Variants in BRINP3 observed in about 807,000 individuals in gnomAD.
The protein encoded by BRINP3 is BMP/retinoic acid inducible neural specific 3, also known as BMP/retinoic acid-inducible neural-specific protein 3.
Under a neutral mutation model 71.0 loss-of-function variants are expected in BRINP3, and 19 were observed. That is an observed-to-expected ratio of 0.27 (90% CI 0.19 to 0.39). The LOEUF (loss-of-function observed/expected upper bound fraction) is 0.39, where lower values mean the gene tolerates loss of function less well. Ranked by LOEUF, BRINP3 falls within the 10% of genes least tolerant of loss-of-function variation. The probability of loss-of-function intolerance (pLI) is 1.00; values close to 1 mark genes in which losing one functional copy is unlikely to be tolerated. For missense variants in BRINP3, 959 were observed against 940.8 expected, an observed-to-expected ratio of 1.02 and a Z score of -0.25; for synonymous variants, 380 against 337.7, an observed-to-expected ratio of 1.13 and a Z score of -1.37.
chr1:190,285,754 G>A (rs1303539652), intron 2 of BRINP3, among the ~76,000 whole-genome samples: 1 of 151,462 alleles, frequency 6.6e-6, no homozygotes, highest in African/African-American at 2.4e-5. Flanking sequence ...CTGAAGACAA[G>A]ATTCACCTCA....
intron 2 of BRINP3, among the ~76,000 whole-genome samples, chr1:190,301,586 A>G (rs973634450): frequency 6.6e-6 from 1 of 151,650 alleles, no homozygotes; most frequent in Non-Finnish European, 1.5e-5. Flanking sequence ...TGAAATAAAA[A>G]TTTTTAAAGT....
chr1:190,401,580 C>A (rs922898441), intron 2 of BRINP3, among the ~76,000 whole-genome samples: 2 of 151,838 alleles, frequency 1.3e-5, no homozygotes, highest in Non-Finnish European at 2.9e-5. Flanking sequence ...ACATTGCAGA[C>A]CTATGGAATC....
chr1:190,300,095 C>T (rs1483659152), intron 2 of BRINP3, among the ~76,000 whole-genome samples: 3 of 152,062 alleles, frequency 2.0e-5, no homozygotes, highest in Non-Finnish European at 2.9e-5. Flanking sequence ...GAATGTTGGC[C>T]TGCCTTGCTA....
At chr1:190,221,613 G>A (rs1413286402) in intron 6 of BRINP3, among the ~76,000 whole-genome samples, 1 of 152,020 alleles carries the variant, frequency 6.6e-6, no homozygotes, top group Non-Finnish European at 1.5e-5. Context: ...CAATTATAAC[G>A]TGTATAGTGG....
At chr1:190,454,986 T>C in intron 1 of BRINP3, 46 bp from the exon 2 acceptor site, 1 of 905,310 alleles carries the variant, frequency 1.1e-6, no homozygotes. Flanking sequence ...GAAGATTCCT[T>C]TCTCTCAGTT....
intron 1 of BRINP3, among the ~76,000 whole-genome samples, chr1:190,477,223 G>T (rs1319173338): frequency 6.6e-6 from 1 of 152,070 alleles, no homozygotes; most frequent in Non-Finnish European, 1.5e-5. Context: ...AATAAAGAAG[G>T]TAAAAGATAT....
At chr1:190,296,296 A>G (rs1212430459) in intron 2 of BRINP3, among the ~76,000 whole-genome samples, 1 of 152,040 alleles carries the variant, frequency 6.6e-6, no homozygotes, top group Non-Finnish European at 1.5e-5. Flanking sequence ...GACCCATCTC[A>G]TTAACAGAAT....
intron 2 of BRINP3, among the ~76,000 whole-genome samples, chr1:190,438,806 T>C (rs189233158): frequency 8.6e-5 from 13 of 151,934 alleles, no homozygotes; most frequent in African/African-American, 2.9e-4. Context: ...CAAGATGCCA[T>C]AATAGTGACA....
intron 2 of BRINP3, among the ~76,000 whole-genome samples, chr1:190,298,062 G>A (rs1047093616): frequency 8.6e-5 from 13 of 152,040 alleles, no homozygotes; most frequent in Non-Finnish European, 1.8e-4. Context: ...ATCTGTGGTC[G>A]TTTGTGCTTT....
chr1:190,156,571 G>T (rs968679953), intron 7 of BRINP3, among the ~76,000 whole-genome samples: 7 of 151,548 alleles, frequency 4.6e-5, no homozygotes, highest in African/African-American at 1.7e-4. Context: ...TGGAAAAAAA[G>T]AGAGATAGAA....
intron 6 of BRINP3, among the ~76,000 whole-genome samples, chr1:190,177,051 T>C (rs1328506964): frequency 6.6e-6 from 1 of 151,582 alleles, no homozygotes; most frequent in African/African-American, 2.4e-5. Context: ...TACCACAGGA[T>C]AACATGAGCT....
At chr1:190,136,823 G>T (rs1655013539) in intron 7 of BRINP3, among the ~76,000 whole-genome samples, 2 of 151,968 alleles carry the variant, frequency 1.3e-5, no homozygotes, top group Non-Finnish European at 2.9e-5. Context: ...GTGCATATGG[G>T]ATAATCATGG....
intron 2 of BRINP3, among the ~76,000 whole-genome samples, chr1:190,402,997 G>A (rs555185681): frequency 2.0e-5 from 3 of 152,266 alleles, no homozygotes; most frequent in South Asian, 4.2e-4. Flanking sequence ...AACGTGCTGG[G>A]ATTACAGGAA....
At chr1:190,225,491 G>T (rs933990944) in intron 6 of BRINP3, among the ~76,000 whole-genome samples, 2 of 151,816 alleles carry the variant, frequency 1.3e-5, no homozygotes, top group African/African-American at 4.8e-5. Flanking sequence ...GGGTAGTGGG[G>T]GCTGGGAGAA....
intron 2 of BRINP3, among the ~76,000 whole-genome samples, chr1:190,365,355 A>G (rs1294164418): frequency 6.6e-6 from 1 of 151,908 alleles, no homozygotes; most frequent in Admixed American, 6.6e-5. Flanking sequence ...CATTGATTTT[A>G]CTACATTCTA....
At position 190,098,923 on chromosome 1, in the gene BRINP3, C is replaced by G. The variant is rs573063381; in HGVS notation, c.1396G>C (p.Gly466Arg). The G allele has an allele frequency of 5.0e-6, 8 of 1,614,150 alleles. No homozygotes were observed. The South Asian group carries it at 5.5e-5, about 11-fold the overall frequency. ...CAGAGCCCCTGGCTGAGCATGTAGC[C>G]GGTGTTGCAGGTGCCGCAGCGGGTG... is the stretch of plus-strand genomic sequence containing the variant. ...NRTRCGTCNT[G>R]YMLSQGLCKP... The change falls in exon 8 of 8, where the codon GGC becomes CGC. Residue 466 changes from glycine (G) to arginine (R), a missense_variant. Physicochemically the swap from Gly to Arg is moderately radical, Grantham distance 125 (BLOSUM62 -2). Coordinates refer to ENST00000367462, the MANE Select transcript of BRINP3 (RefSeq NM_199051.3).
At chr1:190,190,707 G>GTT (rs36112957) in intron 6 of BRINP3, among the ~76,000 whole-genome samples, 123 of 150,414 alleles carry the variant, frequency 8.2e-4, no homozygotes, top group African/African-American at 2.7e-3. Context: ...AAATCAAAGT[G>GTT]TTTTTTTTTG....
At chr1:190,182,025 T>A (rs1054843326) in intron 6 of BRINP3, among the ~76,000 whole-genome samples, 2 of 151,974 alleles carry the variant, frequency 1.3e-5, no homozygotes, top group Non-Finnish European at 2.9e-5. Context: ...AAATGTCACT[T>A]CCTTCTCATC....
intron 2 of BRINP3, among the ~76,000 whole-genome samples, chr1:190,397,145 T>C (rs1390880227): frequency 2.6e-5 from 4 of 151,952 alleles, no homozygotes; most frequent in Non-Finnish European, 4.4e-5. Flanking sequence ...ATTCTGAACT[T>C]CTGCCAGTCA....
Sources: allele counts gnomAD v4.1 joint callset (sites outside exome capture counted in the v4.1 genomes callset), GRCh38; gene constraint gnomAD v4.1.1; transcripts MANE v1.5; gene names NCBI Gene and HGNC (gene_info 2026-07-23, HGNC 2026-07-21).